The following TRAPPC9 variants were observed in gnomAD, a reference collection of about 807,000 sequenced individuals.
The protein encoded by TRAPPC9 is IKK2 binding protein.
Under a neutral mutation model 124.0 loss-of-function variants are expected in TRAPPC9, and 83 were observed. The observed-to-expected ratio is 0.67, with a 90% CI of 0.56 to 0.80. The LOEUF (loss-of-function observed/expected upper bound fraction) is 0.80. TRAPPC9 is among the 30% of genes least tolerant of loss of function. TRAPPC9 has a pLI of 0.00. For missense variants in TRAPPC9, 1,302 were observed against 1,508.3 expected (o/e 0.86, Z 2.27); for synonymous variants, 638 against 617.5 (o/e 1.03, Z -0.49).
chr8:140,234,054 A>G (rs990659371), intron 16 of TRAPPC9, among the ~76,000 whole-genome samples: 2 of 152,226 alleles, frequency 1.3e-5, no homozygotes, highest in African/African-American at 2.4e-5. Context: ...ACAATTAATA[A>G]TGAGTCATTG....
At chr8:140,190,382 C>T (rs896761056) in intron 17 of TRAPPC9, among the ~76,000 whole-genome samples, 3 of 152,120 alleles carry the variant, frequency 2.0e-5, no homozygotes, top group Non-Finnish European at 4.4e-5. Flanking sequence ...TGCTTGAACT[C>T]GGGAGCCGGA....
chr8:140,389,179 A>G (rs1369611197), intron 7 of TRAPPC9, among the ~76,000 whole-genome samples: 2 of 151,722 alleles, frequency 1.3e-5, no homozygotes, highest in Admixed American at 1.3e-4. Context: ...CTGGTCTCAA[A>G]CTTCCGACCT....
Position 139,988,767 on chromosome 8 carries a change from C to G in TRAPPC9, c.2769G>C (p.Arg923Ser). The stretch of plus-strand genomic sequence containing the variant: ...CGTGCAGGATGAGTGCCTCGCTGCT[C>G]CTGGTGCTGACGGTCAGCTCATGCT... ...STEHELTVST[R>S]SSEALILHAG... is the part of the protein sequence containing the mutation. The change falls in exon 19 of 23, where the codon AGG becomes AGC. Residue 923 changes from arginine (R) to serine (S), a missense_variant. Coordinates refer to ENST00000438773, the MANE Select transcript of TRAPPC9 (RefSeq NM_001160372.4). 1 of 1,551,406 alleles carries G rather than the reference C, an allele frequency of 6.4e-7. No homozygotes were observed. The highest frequency in any genetic ancestry group is 8.7e-7 in the Non-Finnish European group (1 of 1,146,992).
intron 10 of TRAPPC9, among the ~76,000 whole-genome samples, chr8:140,306,588 A>C (rs2066143722): frequency 6.6e-6 from 1 of 152,152 alleles, no homozygotes; most frequent in Non-Finnish European, 1.5e-5. Context: ...ACTTAGAAGA[A>C]AGGCATGAAA....
rs2071442100 is a variant in TRAPPC9, at chr8:140,451,101, G to C, written c.273C>G (p.Asp91Glu). 2 of 1,614,076 alleles carry C rather than the reference G, an allele frequency of 1.2e-6. No individual in the cohort carries two copies. Among genetic ancestry groups the C allele is most frequent in the Admixed American group, 1.7e-5 (1 of 60,014 alleles). Residue 91 changes from aspartate to glutamate, a missense_variant, in exon 2 of 23, where the codon GAC (aspartate) becomes GAG (glutamate). Coordinates refer to ENST00000438773, the MANE Select transcript of TRAPPC9 (RefSeq NM_001160372.4). ...ITITDCFSAK[D>E]WPQTFEKFHV... ...GGAACTTCTCAAAGGTCTGTGGCCA[G>C]TCCTTGGCCGAGAAGCAGTCTGTGA...
chr8:140,439,635 G>A (rs996313238), intron 2 of TRAPPC9, among the ~76,000 whole-genome samples: 2 of 152,156 alleles, frequency 1.3e-5, no homozygotes, highest in Non-Finnish European at 2.9e-5. Context: ...CAAACAAGAC[G>A]TTCATCCTCG....
chr8:140,145,697 G>A (rs1178944700), intron 17 of TRAPPC9, among the ~76,000 whole-genome samples: 1 of 151,796 alleles, frequency 6.6e-6, no homozygotes, highest in Non-Finnish European at 1.5e-5. Context: ...AGTTTTTTTG[G>A]GGGGTTTTTG....
At chr8:139,869,984 C>A (rs1322221447) in intron 21 of TRAPPC9, among the ~76,000 whole-genome samples, 6 of 151,944 alleles carry the variant, frequency 3.9e-5, no homozygotes, top group Admixed American at 3.9e-4. Context: ...ATTAAATATG[C>A]AACCCACAGG....
chr8:140,265,252 C>G (rs1267508840), intron 15 of TRAPPC9, among the ~76,000 whole-genome samples: 1 of 152,196 alleles, frequency 6.6e-6, no homozygotes, highest in Admixed American at 6.5e-5. Context: ...CAGAATGCTA[C>G]TATTTCCAAG....
rs563609921 is a variant in TRAPPC9 at position 139,825,407 on chromosome 8, A to G, written c.3055+60472T>C. Among the ~76,000 whole-genome samples the G allele has an allele frequency of 6.6e-6, 1 of 152,270 alleles. No homozygotes were observed. Among genetic ancestry groups the G allele is most frequent in the South Asian group, 2.1e-4 (1 of 4,820 alleles). ...TGTCCATCCCATGGCTGTGCAGGAT[A>G]AGGAATGACGGGCTGTGGGCCCAGG... On this transcript the variant is annotated intron_variant, in intron 21 of 22. Coordinates refer to ENST00000438773, the MANE Select transcript of TRAPPC9 (RefSeq NM_001160372.4). This position sits in a 1 kb window ranked among gnomAD's most constrained non-coding sequence, Gnocchi z 4.6.
intron 11 of TRAPPC9, among the ~76,000 whole-genome samples, chr8:140,299,253 G>T (rs2065897516): frequency 6.6e-6 from 1 of 152,178 alleles, no homozygotes; most frequent in Non-Finnish European, 1.5e-5. Context: ...CCAGAGTGAT[G>T]GTGGCAGGAG....
intron 17 of TRAPPC9, among the ~76,000 whole-genome samples, chr8:140,085,338 TAA>T (rs11423500): frequency 0.083 from 11,816 of 143,208 alleles, 844 homozygotes; most frequent in African/African-American, 0.19. Context: ...TCTTACTGTT[TAA>T]AAAAAAAAAA....
intron 19 of TRAPPC9, among the ~76,000 whole-genome samples, chr8:139,948,302 C>T (rs564569118): frequency 6.6e-6 from 1 of 150,706 alleles, no homozygotes; most frequent in African/African-American, 2.4e-5. Flanking sequence ...CACACTGTGA[C>T]GTACAGATCC....
chr8:140,430,147 A>C (rs989900782), intron 4 of TRAPPC9, among the ~76,000 whole-genome samples: 26 of 140,504 alleles, frequency 1.9e-4, no homozygotes, highest in African/African-American at 6.9e-4. Flanking sequence ...ACTCCATCCC[A>C]AAAAAAAAAA....
At chr8:140,211,778 G>C (rs897913457) in intron 17 of TRAPPC9, among the ~76,000 whole-genome samples, 3 of 152,190 alleles carry the variant, frequency 2.0e-5, no homozygotes, top group African/African-American at 7.2e-5. Flanking sequence ...CCCATGGAGA[G>C]GGGCTGTCTG....
intron 10 of TRAPPC9, among the ~76,000 whole-genome samples, chr8:140,310,953 G>A (rs898926232): frequency 1.3e-5 from 2 of 152,020 alleles, no homozygotes; most frequent in Non-Finnish European, 2.9e-5. Context: ...TTTCCACCAC[G>A]GTGTAGTGGT....
At chr8:139,894,327 C>T (rs1334687671) in intron 20 of TRAPPC9, among the ~76,000 whole-genome samples, 1 of 152,216 alleles carries the variant, frequency 6.6e-6, no homozygotes, top group Admixed American at 6.5e-5. Flanking sequence ...ATGCCAACCC[C>T]CAACGAGACC....
chr8:140,088,796 C>T (rs7820198), intron 17 of TRAPPC9, among the ~76,000 whole-genome samples: 109,137 of 152,100 alleles, frequency 0.72, 39,439 homozygotes, highest in African/African-American at 0.81. Flanking sequence ...TTCACTTCGA[C>T]TTATTTTTTT....
chr8:140,125,816 C>A (rs1397234438), intron 17 of TRAPPC9, among the ~76,000 whole-genome samples: 4 of 152,008 alleles, frequency 2.6e-5, no homozygotes, highest in African/African-American at 9.6e-5. Flanking sequence ...TTGTTCCAAA[C>A]CTGCATGTTT....
Sources: gnomAD v4.1 joint callset for allele counts (sites outside exome capture counted in the v4.1 genomes callset) on GRCh38, gnomAD v4.1.1 for gene constraint, Gnocchi (gnomAD v3.1) non-coding constraint, MANE v1.5 for transcripts, NCBI Gene and HGNC (gene_info 2026-07-23, HGNC 2026-07-21) for gene names.